The following PRKD1 variants were observed in gnomAD, a reference collection of about 807,000 sequenced individuals.
PRKD1 encodes serine/threonine-protein kinase D1.
A neutral mutation model predicts 95.9 loss-of-function variants in PRKD1; 63 were observed. The ratio of observed to expected loss-of-function variants is 0.66; its 90% CI spans 0.54 to 0.81. The LOEUF (loss-of-function observed/expected upper bound fraction) is 0.81, where lower values mean the gene tolerates loss of function less well. Among genes scored for constraint, PRKD1 ranks in the 30% least tolerant of loss-of-function variants. The probability of loss-of-function intolerance (pLI) is 0.00; values close to 1 mark genes in which losing one functional copy is unlikely to be tolerated. For synonymous variants in PRKD1, 425 were observed against 423.1 expected (o/e 1.00, Z -0.05); for missense variants, 1,048 against 1,165.3 (o/e 0.90, Z 1.47).
At chr14:29,834,944 T>A (rs994335580) in intron 1 of PRKD1, among the ~76,000 whole-genome samples, 1 of 152,196 alleles carries the variant, frequency 6.6e-6, no homozygotes, top group Non-Finnish European at 1.5e-5. Context: ...GATTACCTCC[T>A]ATTACACAGC....
At position 29,909,575 on chromosome 14, in the gene PRKD1, T is replaced by A. The variant is rs1894628784; in HGVS notation, c.264+17674A>T. ...TAGCTCAAGGTTTGTGAATGCACCA[T>A]TCAGCACTCTGTATCTGGCTAATCT... On this transcript the variant is annotated intron_variant, in intron 1 of 17. Coordinates refer to ENST00000331968, the MANE Select transcript of PRKD1 (RefSeq NM_002742.3). Among the ~76,000 whole-genome samples, 6 of 149,240 alleles carry A rather than the reference T, an allele frequency of 4.0e-5. No homozygotes were observed. The South Asian group carries it at 1.1e-3, about 27-fold the overall frequency.
At chr14:29,767,576 A>G (rs1294049733) in intron 1 of PRKD1, among the ~76,000 whole-genome samples, 4 of 152,194 alleles carry the variant, frequency 2.6e-5, no homozygotes, top group Admixed American at 1.3e-4. Context: ...ACATGGTTTT[A>G]GGATCCATCA....
intron 1 of PRKD1, among the ~76,000 whole-genome samples, chr14:29,911,139 GTTTAA>G (rs139776957): frequency 0.024 from 3,595 of 152,148 alleles, 144 homozygotes; most frequent in African/African-American, 0.082. Flanking sequence ...CAATACTTAT[GTTTAA>G]TTTATTAGGT....
At position 29,638,923 on chromosome 14, in the gene PRKD1, TA is replaced by T; in HGVS notation, c.697-20del. 2 of 1,596,274 alleles carry T rather than the reference TA, an allele frequency of 1.3e-6. No individual in the cohort carries two copies. The highest frequency in any genetic ancestry group is 8.6e-7 in the Non-Finnish European group (1 of 1,163,938). ...ATTTTTGCTACATTTTGGAAAACAATAAAGGAAGCAAGATGTAAGAGGCTAT... is the reference window on the plus strand; with the variant it reads ...ATTTTTGCTACATTTTGGAAAACAATAAGGAAGCAAGATGTAAGAGGCTAT... On this transcript the variant is annotated intron_variant, in intron 4 of 17. Transcript: ENST00000331968.
chr14:29,638,905 C>G lies in PRKD1; in HGVS notation c.697-1G>C. The G allele has an allele frequency of 6.2e-7, 1 of 1,613,594 alleles. No homozygotes were observed. The highest frequency in any genetic ancestry group is 1.1e-5 in the South Asian group (1 of 91,042). ...TAAACGACTCTGATGGTGATTTTTG[C>G]TACATTTTGGAAAACAATAAAGGAA... On this transcript the variant is annotated splice_acceptor_variant, in intron 4 of 17. Coordinates refer to ENST00000331968, the MANE Select transcript of PRKD1 (RefSeq NM_002742.3). LOFTEE classifies it high-confidence loss of function.
intron 1 of PRKD1, among the ~76,000 whole-genome samples, chr14:29,758,336 G>A (rs1251939804): frequency 6.6e-6 from 1 of 152,148 alleles, no homozygotes; most frequent in African/African-American, 2.4e-5. Context: ...TGATCGAGAG[G>A]TGGATACAAT....
intron 2 of PRKD1, among the ~76,000 whole-genome samples, chr14:29,713,686 T>C (rs780170519): frequency 6.6e-6 from 1 of 152,178 alleles, no homozygotes; most frequent in Non-Finnish European, 1.5e-5. Context: ...ATATATTTTA[T>C]CATAATACTG....
chr14:29,654,482 A>G (rs1290804590), intron 4 of PRKD1, among the ~76,000 whole-genome samples: 2 of 152,136 alleles, frequency 1.3e-5, no homozygotes, highest in Non-Finnish European at 2.9e-5. Flanking sequence ...CCAAATAAAT[A>G]TTTATTCAGA....
chr14:29,834,874 G>C (rs1032040024), intron 1 of PRKD1, among the ~76,000 whole-genome samples: 10 of 152,100 alleles, frequency 6.6e-5, no homozygotes, highest in Non-Finnish European at 1.5e-5. Context: ...GGATAAAGGT[G>C]GTGGAGCTAA....
At chr14:29,636,610 G>C in intron 6 of PRKD1, 116 bp from the exon 7 acceptor site, 1 of 989,534 alleles carries the variant, frequency 1.0e-6, no homozygotes. Context: ...GTAGTTCTGT[G>C]ATGAGTTTAT....
At chr14:29,726,445 C>T (rs1023731597) in intron 1 of PRKD1, among the ~76,000 whole-genome samples, 1 of 152,054 alleles carries the variant, frequency 6.6e-6, no homozygotes, top group African/African-American at 2.4e-5. Context: ...CATAAATTGA[C>T]ATTTGTAATG....
chr14:29,729,987 T>G (rs1431530190), intron 1 of PRKD1, among the ~76,000 whole-genome samples: 1 of 152,004 alleles, frequency 6.6e-6, no homozygotes, highest in Non-Finnish European at 1.5e-5. Flanking sequence ...AACGATTTTT[T>G]TATATGACCC....
chr14:29,690,213 G>A (rs1356808002), intron 2 of PRKD1, among the ~76,000 whole-genome samples: 10 of 152,186 alleles, frequency 6.6e-5, no homozygotes, highest in Admixed American at 1.3e-4. Flanking sequence ...TAATTATTCC[G>A]TGAATGTTTA....
At chr14:29,845,920 G>A (rs1434174120) in intron 1 of PRKD1, among the ~76,000 whole-genome samples, 1 of 152,146 alleles carries the variant, frequency 6.6e-6, no homozygotes, top group Non-Finnish European at 1.5e-5. Flanking sequence ...AAAATGGGTT[G>A]TTGATGAATC....
intron 1 of PRKD1, among the ~76,000 whole-genome samples, chr14:29,852,757 AG>A (rs1566637137): frequency 6.6e-6 from 1 of 152,226 alleles, no homozygotes; most frequent in African/African-American, 2.4e-5. Context: ...GAAACAAAAA[AG>A]AAATTTAAAT....
chr14:29,750,616 G>GTGCGCGCGCACACA (rs375136808), intron 1 of PRKD1, among the ~76,000 whole-genome samples: 2 of 148,374 alleles, frequency 1.3e-5, no homozygotes, highest in Admixed American at 1.3e-4. Flanking sequence ...ATGAACGCGC[G>GTGCGCGCGCACACA]CACACACACA....
intron 16 of PRKD1, among the ~76,000 whole-genome samples, chr14:29,583,823 T>TTA (rs1167815448): frequency 6.6e-6 from 1 of 152,144 alleles, no homozygotes; most frequent in Non-Finnish European, 1.5e-5. Flanking sequence ...TCCCTACAAA[T>TTA]TATAAAAAAA....
chr14:29,673,072 T>C (rs1882959582), intron 2 of PRKD1, among the ~76,000 whole-genome samples: 1 of 152,208 alleles, frequency 6.6e-6, no homozygotes, highest in South Asian at 2.1e-4. Flanking sequence ...CTGAGCTCTA[T>C]GGCTGCTGCA....
intron 1 of PRKD1, among the ~76,000 whole-genome samples, chr14:29,808,179 T>G (rs1890319066): frequency 6.6e-6 from 1 of 152,052 alleles, no homozygotes; most frequent in African/African-American, 2.4e-5. Context: ...TGCCACTGCT[T>G]TATCAACTAA....
Sources: allele counts gnomAD v4.1 joint callset (sites outside exome capture counted in the v4.1 genomes callset), GRCh38; gene constraint gnomAD v4.1.1; transcripts MANE v1.5; gene names NCBI Gene and HGNC (gene_info 2026-07-23, HGNC 2026-07-21).